SPTLC2: variants seen among roughly 807,000 people sequenced by gnomAD.
SPTLC2 encodes the protein serine palmitoyltransferase long chain base subunit 2.
In SPTLC2, 21 loss-of-function variants were observed where a neutral mutation model predicts 62.0. That is an observed-to-expected ratio of 0.34 (90% CI 0.24 to 0.49). The LOEUF (loss-of-function observed/expected upper bound fraction) is 0.49, where lower values mean the gene tolerates loss of function less well. SPTLC2 is among the 20% of genes least tolerant of loss of function. The pLI is 0.99. For synonymous variants in SPTLC2, 261 were observed against 261.8 expected (o/e 1.00, Z 0.03); for missense variants, 511 against 713.0 (o/e 0.72, Z 3.23).
intron 2 of SPTLC2, among the ~76,000 whole-genome samples, chr14:77,592,325 G>C (rs1267517484): frequency 6.6e-6 from 1 of 151,626 alleles, no homozygotes; most frequent in Non-Finnish European, 1.5e-5. Flanking sequence ...AGTAGAGATG[G>C]GGTTTCATCA....
chr14:77,593,573 T>C (rs542028816), intron 2 of SPTLC2, among the ~76,000 whole-genome samples: 9 of 152,338 alleles, frequency 5.9e-5, no homozygotes, highest in African/African-American at 2.2e-4. Context: ...AAGAATTTTA[T>C]GCAATGTATA....
rs556569658 is a variant in SPTLC2 at position 77,557,191 on chromosome 14, C to T, written c.851-45G>A. The T allele has an allele frequency of 3.1e-4, 459 of 1,486,248 alleles. 10 individuals carry two copies. In the South Asian group the frequency reaches 5.0e-3, roughly 16 times the overall value. 92.1% of individuals were successfully genotyped at this position (1,486,248 alleles called of 1,614,324 possible). A position where few individuals can be genotyped will look rare whatever the true frequency, so the allele number is the denominator to read the frequency against. On this transcript the variant is annotated intron_variant, in intron 6 of 11. Transcript: ENST00000216484. ...ACAGTTATACCGCATCTTCCTCTTT[C>T]CTAACTTTATTCCGGAAATGCAGAG...
At chr14:77,614,403 A>G (rs2267751) in intron 1 of SPTLC2, among the ~76,000 whole-genome samples, 67,012 of 138,514 alleles carry the variant, frequency 0.48, 15,055 homozygotes, top group East Asian at 0.65. Flanking sequence ...AGTGGCTCAC[A>G]CCCGTAATCC....
intron 6 of SPTLC2, among the ~76,000 whole-genome samples, chr14:77,560,634 T>A (rs919998302): frequency 6.8e-6 from 1 of 147,318 alleles, no homozygotes; most frequent in African/African-American, 2.6e-5. Flanking sequence ...AATAAAAATA[T>A]ATATATATAT....
intron 9 of SPTLC2, among the ~76,000 whole-genome samples, chr14:77,542,662 T>C (rs1265380970): frequency 6.6e-6 from 1 of 152,222 alleles, no homozygotes; most frequent in Admixed American, 6.5e-5. Flanking sequence ...TGCGTCTTCA[T>C]ATCCTAGGGA....
At chr14:77,593,024 A>G (rs1167796233) in intron 2 of SPTLC2, among the ~76,000 whole-genome samples, 1 of 151,584 alleles carries the variant, frequency 6.6e-6, no homozygotes, top group Non-Finnish European at 1.5e-5. Flanking sequence ...AATCACTTGA[A>G]CCGTGGAGGC....
At chr14:77,567,758 C>A (rs2079653349) in intron 5 of SPTLC2, among the ~76,000 whole-genome samples, 1 of 151,626 alleles carries the variant, frequency 6.6e-6, no homozygotes, top group Non-Finnish European at 1.5e-5. Flanking sequence ...CATTTATCAT[C>A]ATTATATTCT....
At chr14:77,588,623 G>A (rs1220892593) in intron 2 of SPTLC2, among the ~76,000 whole-genome samples, 1 of 152,024 alleles carries the variant, frequency 6.6e-6, no homozygotes, top group Non-Finnish European at 1.5e-5. Context: ...TGGAGCGTGG[G>A]AGGCAAAGGT....
intron 5 of SPTLC2, among the ~76,000 whole-genome samples, chr14:77,566,753 C>T (rs1047347749): frequency 1.3e-5 from 2 of 152,116 alleles, no homozygotes; most frequent in Non-Finnish European, 2.9e-5. Context: ...AGCCACCGCG[C>T]CCGGCCACAA....
chr14:77,516,449 T>G (rs2079360283), intron 11 of SPTLC2, among the ~76,000 whole-genome samples: 1 of 152,042 alleles, frequency 6.6e-6, no homozygotes, highest in Non-Finnish European at 1.5e-5. Flanking sequence ...AAAGGCACAT[T>G]GAAATTCTGA....
rs1376336726 is a variant in SPTLC2 at position 77,529,771 on chromosome 14, C to T, written c.1304-8190G>A. On this transcript the variant is annotated intron_variant, in intron 9 of 11. Coordinates refer to ENST00000216484, the MANE Select transcript of SPTLC2 (RefSeq NM_004863.4). Reference sequence around the variant, plus strand: ...CCAAGTAGCTGGGATTACAGATGTGCGCCACCATGCCTGGCTCATTTTTGT... The same window carrying T: ...CCAAGTAGCTGGGATTACAGATGTGTGCCACCATGCCTGGCTCATTTTTGT... 6.6e-5 allele frequency among the ~76,000 whole-genome samples: 10 copies of T among 151,576 alleles called. No individual in the cohort carries two copies. In the East Asian group the frequency reaches 1.2e-3, roughly 18 times the overall value.
intron 1 of SPTLC2, among the ~76,000 whole-genome samples, chr14:77,611,844 C>T (rs1019510209): frequency 1.3e-5 from 2 of 150,562 alleles, no homozygotes; most frequent in Non-Finnish European, 3.0e-5. Flanking sequence ...AAAAACCTAA[C>T]GCAGAGATTA....
intron 4 of SPTLC2, among the ~76,000 whole-genome samples, chr14:77,571,508 C>A (rs1424783987): frequency 3.3e-3 from 436 of 133,288 alleles, no homozygotes; most frequent in Middle Eastern, 0.011. Flanking sequence ...GACTCTGACT[C>A]AAAAAAAAAA....
At chr14:77,558,670 G>A (rs1360590342) in intron 6 of SPTLC2, among the ~76,000 whole-genome samples, 1 of 148,930 alleles carries the variant, frequency 6.7e-6, no homozygotes, top group African/African-American at 2.5e-5. Flanking sequence ...CGCCAAGGCA[G>A]GAGTGCAGTG....
At chr14:77,555,931 T>C (rs971164854) in intron 7 of SPTLC2, among the ~76,000 whole-genome samples, 2 of 151,780 alleles carry the variant, frequency 1.3e-5, no homozygotes, top group African/African-American at 4.8e-5. Context: ...GTTTATTGGG[T>C]TTTAAATGGT....
intron 1 of SPTLC2, among the ~76,000 whole-genome samples, chr14:77,606,945 C>T (rs995908108): frequency 1.3e-5 from 2 of 150,740 alleles, no homozygotes; most frequent in Admixed American, 6.6e-5. Context: ...GCCATGATGG[C>T]GCCACTGCAC....
At chr14:77,554,981 G>C in intron 8 of SPTLC2, 4 of 378,668 alleles carry the variant, frequency 1.1e-5, no homozygotes, top group Non-Finnish European at 2.0e-5. Flanking sequence ...TTTTGAAACT[G>C]TGAGCACAAT....
At position 77,506,414 on chromosome 14, in the gene SPTLC2, A is replaced by G. The variant is rs1053805831; in HGVS notation, c.*5870T>C. The G allele has an allele frequency of 1.3e-5, 2 of 152,178 alleles. No individual in the cohort carries two copies. The highest frequency in any genetic ancestry group is 4.8e-5 in the African/African-American group (2 of 41,448). The allele number at this position is 152,178 out of a possible 1,614,324, so 9.4% of individuals were successfully genotyped here. ...TAAGATCTCAGCTCTCCCATAAGCT[A>G]TTGCTCTCTTCTTCTCTTTCCCCCT... On this transcript the variant is annotated 3_prime_UTR_variant, in exon 12 of 12. Transcript: ENST00000216484.
intron 1 of SPTLC2, among the ~76,000 whole-genome samples, chr14:77,606,261 C>T (rs944313838): frequency 2.0e-5 from 3 of 152,148 alleles, no homozygotes; most frequent in African/African-American, 7.2e-5. Context: ...ACCCAGGAGG[C>T]AAAGGTTGCA....
Sources: allele counts gnomAD v4.1 joint callset (sites outside exome capture counted in the v4.1 genomes callset), GRCh38; gene constraint gnomAD v4.1.1; transcripts MANE v1.5; gene names NCBI Gene and HGNC (gene_info 2026-07-23, HGNC 2026-07-21).